SPRTN: variants seen among roughly 807,000 people sequenced by gnomAD.
The protein encoded by SPRTN is SprT-like N-terminal domain.
Under a neutral mutation model 31.9 loss-of-function variants are expected in SPRTN, and 11 were observed. The observed-to-expected ratio is 0.34, with a 90% CI of 0.22 to 0.57. SPRTN has a LOEUF of 0.57. SPRTN is among the 20% of genes least tolerant of loss of function. The probability of loss-of-function intolerance (pLI) is 0.86; values close to 1 mark genes in which losing one functional copy is unlikely to be tolerated. For missense variants in SPRTN, 482 were observed against 590.1 expected, an observed-to-expected ratio of 0.82 and a Z score of 1.90; for synonymous variants, 185 against 212.1, an observed-to-expected ratio of 0.87 and a Z score of 1.11.
At chr1:231,345,190 C>T (rs1437115298) in intron 2 of SPRTN, among the ~76,000 whole-genome samples, 3 of 150,890 alleles carry the variant, frequency 2.0e-5, no homozygotes, top group South Asian at 2.1e-4. Flanking sequence ...GGCATGATCT[C>T]GGCTCACTGC....
At position 231,347,768 on chromosome 1, in the gene SPRTN, A is replaced by G. The variant is rs370828341; in HGVS notation, c.322-29A>G. The G allele has an allele frequency of 2.9e-5, 46 of 1,591,338 alleles. No individual in the cohort carries two copies. The East Asian group carries it at 6.9e-4, about 24-fold the overall frequency. On this transcript the variant is annotated intron_variant, in intron 2 of 4. Transcript: ENST00000295050. ...TTTTCCAAAGTGTCATACAGACTCT[A>G]AAACTAATTTGAATATTTTATGTTC...
At chr1:231,340,384 C>CTAGG (rs1365624601) in intron 2 of SPRTN, among the ~76,000 whole-genome samples, 1 of 151,924 alleles carries the variant, frequency 6.6e-6, no homozygotes, top group Non-Finnish European at 1.5e-5. Flanking sequence ...TAAAAGCCTT[C>CTAGG]TAGGTATATT....
At chr1:231,346,886 G>A (rs1687078446) in intron 2 of SPRTN, among the ~76,000 whole-genome samples, 1 of 152,102 alleles carries the variant, frequency 6.6e-6, no homozygotes, top group Non-Finnish European at 1.5e-5. Context: ...AGCTTGCAGT[G>A]AGGAGAGATT....
chr1:231,353,017 A>G lies in SPRTN; in HGVS notation c.1126A>G (p.Lys376Glu). The change falls in exon 5 of 5, where the codon AAG becomes GAG. Residue 376 changes from lysine to glutamate, a missense_variant. Around this residue, in one of 2 missense-constraint regions of SPRTN, gnomAD observed 325 missense variants for 350.2 expected, o/e 0.93. Coordinates refer to ENST00000295050, the MANE Select transcript of SPRTN (RefSeq NM_032018.7). ...SSSQRRVSSS[K>E]ISLRNSSKVT... ...TTCTCAGAGAAGGGTTTCATCTTCT[A>G]AGATATCCCTAAGAAATTCTTCAAA... 1 of 1,614,120 alleles carries G rather than the reference A, an allele frequency of 6.2e-7. No homozygotes were observed. The highest frequency in any genetic ancestry group is 1.3e-5 in the African/African-American group (1 of 75,060).
rs560981620 is a variant in SPRTN at position 231,338,619 on chromosome 1, C to T, written c.221+15C>T. 8 of 1,613,384 alleles carry T rather than the reference C, an allele frequency of 5.0e-6. No individual in the cohort carries two copies. In the South Asian group the frequency reaches 8.8e-5, roughly 18 times the overall value. On this transcript the variant is annotated intron_variant, in intron 1 of 4. Coordinates refer to ENST00000295050, the MANE Select transcript of SPRTN (RefSeq NM_032018.7). ...CGAATGACCCTGTGAGTTCCGAGCC[C>T]CGCTGGGGAAAGAGGCGGGACTGGC... is the stretch of plus-strand genomic sequence containing the variant.
chr1:231,351,833 T>A, intron 4 of SPRTN: 1 of 1,088,170 alleles, frequency 9.2e-7, no homozygotes. Context: ...CAGTTTCTTT[T>A]TATTCAAAGA....
intron 2 of SPRTN, chr1:231,340,208 A>T (rs1424666342): frequency 5.5e-6 from 1 of 180,474 alleles, no homozygotes; most frequent in East Asian, 1.7e-4. Context: ...AAAAAAAAAA[A>T]TACAGAAAAT....
chr1:231,345,545 G>C (rs940247813), intron 2 of SPRTN, among the ~76,000 whole-genome samples: 2 of 152,154 alleles, frequency 1.3e-5, no homozygotes, highest in African/African-American at 4.8e-5. Context: ...AAACACTGGA[G>C]TTATTTCTAA....
At chr1:231,338,753 C>G in intron 1 of SPRTN, 149 bp downstream of exon 1, 1 of 835,330 alleles carries the variant, frequency 1.2e-6, no homozygotes, top group Admixed American at 2.7e-5. Context: ...ATTCCTGCCT[C>G]GGCGTGTTTC....
chr1:231,353,907 T>A lies in SPRTN; in HGVS notation c.*546T>A. 1.1e-6 allele frequency: 1 copy of A among 943,350 alleles called. No individual in the cohort carries two copies. Among genetic ancestry groups the A allele is most frequent in the Non-Finnish European group, 1.3e-6 (1 of 791,536 alleles). The allele number at this position is 943,350 out of a possible 1,614,324, so 58.4% of individuals were successfully genotyped here. Reference sequence around the variant, plus strand: ...TTAACAGGAACTGTATTTTCTATATTTTAAAGAATTTTATTTGTCCCACTT... The same window carrying A: ...TTAACAGGAACTGTATTTTCTATATATTAAAGAATTTTATTTGTCCCACTT... On this transcript the variant is annotated 3_prime_UTR_variant, in exon 5 of 5. Transcript: ENST00000295050.
chr1:231,352,399 G>A, intron 4 of SPRTN: 9 of 1,228,176 alleles, frequency 7.3e-6, no homozygotes, highest in Non-Finnish European at 9.1e-6. Context: ...AAATATGAGA[G>A]AATTTTTTTT....
chr1:231,354,057 G>A lies in SPRTN; in HGVS notation c.*696G>A, dbSNP rs1687320806. The A allele has an allele frequency of 1.0e-6, 1 of 974,098 alleles. No homozygotes were observed. The highest frequency in any genetic ancestry group is 1.2e-6 in the Non-Finnish European group (1 of 819,704). The allele number at this position is 974,098 out of a possible 1,614,324, so 60.3% of individuals were successfully genotyped here. ...AATTCTGTAGGCCAAATTTTATATT[G>A]AGTTTAGCTGTTTTCTCAAAATTTA... On this transcript the variant is annotated 3_prime_UTR_variant, in exon 5 of 5. Coordinates refer to ENST00000295050, the MANE Select transcript of SPRTN (RefSeq NM_032018.7).
intron 2 of SPRTN, among the ~76,000 whole-genome samples, chr1:231,345,101 T>C (rs1282972193): frequency 6.6e-6 from 1 of 152,116 alleles, no homozygotes; most frequent in African/African-American, 2.4e-5. Flanking sequence ...TTTGTCTTTT[T>C]CTTTTTCTTT....
intron 2 of SPRTN, among the ~76,000 whole-genome samples, chr1:231,342,497 C>G (rs1055864802): frequency 6.6e-6 from 1 of 150,550 alleles, no homozygotes; most frequent in Non-Finnish European, 1.5e-5. Flanking sequence ...ATGATATGAT[C>G]TCGGCTCACT....
chr1:231,351,232 C>G, intron 3 of SPRTN, 72 bp from the exon 4 acceptor site: 83 of 1,095,862 alleles, frequency 7.6e-5, no homozygotes, highest in South Asian at 1.1e-4. Flanking sequence ...AAAAAAAAGA[C>G]TGCTTATGTA....
chr1:231,339,405 G>A (rs770846457), intron 1 of SPRTN: 46 of 469,224 alleles, frequency 9.8e-5, no homozygotes, highest in Non-Finnish European at 1.7e-4. Context: ...TTGCAGCCTA[G>A]CTAGGGCAAG....
Position 231,354,323 on chromosome 1 carries a change from G to A in SPRTN, c.*962G>A. 2 of 984,862 alleles carry A rather than the reference G, an allele frequency of 2.0e-6. 1 individual carries two copies. The highest frequency in any genetic ancestry group is 9.4e-5 in the South Asian group (2 of 21,280). The allele number at this position is 984,862 out of a possible 1,614,324, so 61.0% of individuals were successfully genotyped here. A position where few individuals can be genotyped will look rare whatever the true frequency, so the allele number is the denominator to read the frequency against. On this transcript the variant is annotated 3_prime_UTR_variant, in exon 5 of 5. Transcript: ENST00000295050. ...AGAGACTTTTATCAGTTTGCTTTTT[G>A]TCTTGTGGCTGTACATGCTGTTGGC... is the stretch of plus-strand genomic sequence containing the variant.
intron 2 of SPRTN, among the ~76,000 whole-genome samples, chr1:231,344,043 A>T (rs956036364): frequency 3.2e-4 from 48 of 152,196 alleles, no homozygotes; most frequent in African/African-American, 1.1e-3. Context: ...ATAGATATTT[A>T]AAAAGTTCAG....
At chr1:231,347,610 C>A (rs1687099984) in intron 2 of SPRTN, 187 bp from the exon 3 acceptor site, 1 of 611,050 alleles carries the variant, frequency 1.6e-6, no homozygotes, top group Admixed American at 3.8e-5. Flanking sequence ...GTGACCCTCC[C>A]ACCTTTGCCT....
Sources: allele counts gnomAD v4.1 joint callset (sites outside exome capture counted in the v4.1 genomes callset), GRCh38; gene constraint gnomAD v4.1.1; regional missense constraint gnomAD v4.1.1; transcripts MANE v1.5; gene names NCBI Gene and HGNC (gene_info 2026-07-23, HGNC 2026-07-21).